Variants in CLIC5 observed in about 807,000 individuals in gnomAD.
The protein encoded by CLIC5 is CLIC family member 5.
CLIC5 carries 20 observed loss-of-function variants against 24.7 expected under a neutral mutation model. That is an observed-to-expected ratio of 0.81 (90% CI 0.57 to 1.18). CLIC5 has a LOEUF of 1.18. CLIC5 is among the 50% of genes most tolerant of loss of function. The pLI is 0.00. For synonymous variants in CLIC5, 159 were observed against 135.6 expected (o/e 1.17, Z -1.20); for missense variants, 341 against 326.1 (o/e 1.05, Z -0.35).
rs1765473648 is a variant in CLIC5, at chr6:45,978,871, A to G, written c.64-23627T>C. On this transcript the variant is annotated intron_variant, in intron 1 of 5. Coordinates refer to ENST00000339561, the MANE Select transcript of CLIC5 (RefSeq NM_016929.5). ...AGGCTGAGGTAGGAGAATGGCTTGA[A>G]CCCAGGATGCGGAGGTTGCAGTGAG... Among the ~76,000 whole-genome samples the G allele has an allele frequency of 1.3e-5, 2 of 151,978 alleles. 1 individual carries two copies. Among genetic ancestry groups the G allele is most frequent in the South Asian group, 4.2e-4 (2 of 4,808 alleles).
chr6:45,920,594 G>A lies in CLIC5; in HGVS notation c.407-6185C>T, dbSNP rs145826801. ...TTGTTGACATTTGATAGTTTAAAAC[G>A]TGAATGGTAACGTGATGGAAACAAA... On this transcript the variant is annotated intron_variant, in intron 4 of 5. Coordinates refer to ENST00000339561, the MANE Select transcript of CLIC5 (RefSeq NM_016929.5). 1.2e-4 allele frequency: 84 copies of A among 678,132 alleles called. 2 individuals are homozygous for A. In the African/African-American group the frequency reaches 1.4e-3, roughly 11 times the overall value. The allele number at this position is 678,132 out of a possible 1,614,324, so 42.0% of individuals were successfully genotyped here. A position where few individuals can be genotyped will look rare whatever the true frequency, so the allele number is the denominator to read the frequency against.
At chr6:46,027,041 G>C (rs891924726) in intron 1 of CLIC5, among the ~76,000 whole-genome samples, 1 of 152,124 alleles carries the variant, frequency 6.6e-6, no homozygotes, top group Admixed American at 6.5e-5. Flanking sequence ...TTATATCTTA[G>C]GTGCTCCGAG....
chr6:45,951,745 T>C (rs1277032832), intron 2 of CLIC5, among the ~76,000 whole-genome samples: 1 of 151,000 alleles, frequency 6.6e-6, no homozygotes, highest in East Asian at 1.9e-4. Context: ...GAGTCGGGAG[T>C]GGAAAACATT....
At chr6:46,018,099 G>A (rs758431300), upstream of CLIC5, among the ~76,000 whole-genome samples, 10 of 152,224 alleles carry the variant, frequency 6.6e-5, no homozygotes, top group Non-Finnish European at 1.3e-4. Context: ...TACAGAGGGA[G>A]ACTGGTGCCT....
At position 45,949,316 on chromosome 6, in the gene CLIC5, TC is replaced by T. The variant is rs1370139102; in HGVS notation, c.238del (p.Asp80ThrfsTer2). 5 of 1,613,882 alleles carry T rather than the reference TC, an allele frequency of 3.1e-6. No individual in the cohort carries two copies. Among genetic ancestry groups the T allele is most frequent in the East Asian group, 2.2e-5 (1 of 44,874 alleles). On this transcript the variant is annotated frameshift_variant, in exon 3 of 6. Coordinates refer to ENST00000339561, the MANE Select transcript of CLIC5 (RefSeq NM_016929.5). LOFTEE classifies it high-confidence loss of function. ...THPPFLTFNG[D>X]VKTDVNKIEE... Reference sequence around the variant, plus strand: ...GATCTTATTGACGTCTGTCTTCACGTCCCCGTTGAAGGTCAGGAAGGGCGGG... The same window carrying T: ...GATCTTATTGACGTCTGTCTTCACGTCCCGTTGAAGGTCAGGAAGGGCGGG...
chr6:46,106,077 C>T, the CLIC5 span, among the ~76,000 whole-genome samples: 6 of 152,252 alleles, frequency 3.9e-5, no homozygotes, highest in East Asian at 1.2e-3. Flanking sequence ...GCCCTCATCT[C>T]AAGATGTGTG....
chr6:45,927,810 A>G (rs1763560260), intron 4 of CLIC5, among the ~76,000 whole-genome samples: 1 of 152,206 alleles, frequency 6.6e-6, no homozygotes. Flanking sequence ...TCCTCATTAT[A>G]GAAAATATAC....
the CLIC5 span, among the ~76,000 whole-genome samples, chr6:46,099,131 C>T: frequency 6.6e-6 from 1 of 152,186 alleles, no homozygotes; most frequent in African/African-American, 2.4e-5. Flanking sequence ...TAATAATCAA[C>T]ACACAAAACT....
rs746244075 is a variant in CLIC5 at position 45,914,314 on chromosome 6, C to G, written c.502G>C (p.Asp168His). 5 of 1,607,356 alleles carry G rather than the reference C, an allele frequency of 3.1e-6. No homozygotes were observed. The highest frequency in any genetic ancestry group is 4.3e-6 in the Non-Finnish European group (5 of 1,175,482). The change falls in exon 5 of 6, where the codon GAC (aspartate) becomes CAC (histidine). Residue 168 changes from aspartate to histidine, a missense_variant. Physicochemically the swap from Asp to His is moderately conservative, Grantham distance 81 (BLOSUM62 -1). Transcript: ENST00000339561. ...AGGAACTTGCGCCGGGACCCCTTGT[C>G]TTCCCCACAAGTGTTGGCGTCAATC... ...EEIDANTCGE[D>H]KGSRRKFLDG...
At chr6:46,061,258 T>C (rs964309660) in intron 1 of CLIC5, among the ~76,000 whole-genome samples, 3 of 152,198 alleles carry the variant, frequency 2.0e-5, no homozygotes, top group African/African-American at 7.2e-5. Context: ...AGTGCAATCA[T>C]AGCTGACTGC....
chr6:46,040,116 T>C (rs2127460008), intron 1 of CLIC5, among the ~76,000 whole-genome samples: 1 of 152,308 alleles, frequency 6.6e-6, no homozygotes, highest in South Asian at 2.1e-4. Flanking sequence ...AAATAAACCA[T>C]TCAGTACAGT....
intron 1 of CLIC5, among the ~76,000 whole-genome samples, chr6:45,978,395 T>C (rs974783383): frequency 1.4e-4 from 22 of 152,146 alleles, no homozygotes; most frequent in African/African-American, 4.1e-4. Flanking sequence ...CCAATAAAAA[T>C]ATATGTGGGG....
intron 3 of CLIC5, among the ~76,000 whole-genome samples, chr6:45,944,119 A>T (rs1764216694): frequency 6.6e-6 from 1 of 152,110 alleles, no homozygotes; most frequent in Admixed American, 6.5e-5. Context: ...AGAGATGATA[A>T]TTTTTTCTAA....
intron 4 of CLIC5, among the ~76,000 whole-genome samples, chr6:45,939,880 GGGGGA>G (rs1314074927): frequency 2.6e-5 from 4 of 151,748 alleles, no homozygotes; most frequent in Non-Finnish European, 5.9e-5. Context: ...ATGAATTCTG[GGGGGA>G]CACTACTCAA....
At chr6:45,950,608 T>C (rs1312080260) in intron 2 of CLIC5, among the ~76,000 whole-genome samples, 1 of 152,164 alleles carries the variant, frequency 6.6e-6, no homozygotes, top group Non-Finnish European at 1.5e-5. Context: ...ACATTTTAAA[T>C]TTAAAAATGA....
At chr6:45,935,208 G>T (rs1763885921) in intron 4 of CLIC5, among the ~76,000 whole-genome samples, 1 of 152,324 alleles carries the variant, frequency 6.6e-6, no homozygotes, top group South Asian at 2.1e-4. Flanking sequence ...ACAGAGAGTG[G>T]GGGACATGTT....
intron 1 of CLIC5, among the ~76,000 whole-genome samples, chr6:46,013,426 C>T (rs1581862779): frequency 6.6e-6 from 1 of 152,222 alleles, no homozygotes; most frequent in African/African-American, 2.4e-5. Context: ...GTCCCATTTA[C>T]TTGTAAATGA....
At chr6:46,050,548 C>G (rs1768074502) in intron 1 of CLIC5, among the ~76,000 whole-genome samples, 2 of 152,138 alleles carry the variant, frequency 1.3e-5, no homozygotes, top group Admixed American at 6.5e-5. Flanking sequence ...TAACAGATGC[C>G]AAACCAATTT....
chr6:45,920,961 A>G (rs1024277377), intron 4 of CLIC5, among the ~76,000 whole-genome samples: 2 of 152,222 alleles, frequency 1.3e-5, no homozygotes, highest in Non-Finnish European at 2.9e-5. Flanking sequence ...ACTTTACATA[A>G]AGATCTGCAT....
Sources: allele counts gnomAD v4.1 joint callset (sites outside exome capture counted in the v4.1 genomes callset), GRCh38; gene constraint gnomAD v4.1.1; transcripts MANE v1.5; gene names NCBI Gene and HGNC (gene_info 2026-07-23, HGNC 2026-07-21).